Variants in KCNK1 observed in about 807,000 individuals in gnomAD.
KCNK1 encodes the protein potassium channel subfamily K member 1.
A neutral mutation model predicts 22.2 loss-of-function variants in KCNK1; 10 were observed. The ratio of observed to expected loss-of-function variants is 0.45; its 90% CI spans 0.28 to 0.76. KCNK1 has a LOEUF of 0.76. Ranked by LOEUF, KCNK1 falls within the 30% of genes least tolerant of loss-of-function variation. The probability of loss-of-function intolerance (pLI) is 0.14; values close to 1 mark genes in which losing one functional copy is unlikely to be tolerated. For synonymous variants in KCNK1, 200 were observed against 186.4 expected (o/e 1.07, Z -0.60); for missense variants, 378 against 421.0 (o/e 0.90, Z 0.89).
intron 1 of KCNK1, among the ~76,000 whole-genome samples, chr1:233,663,507 T>C (rs1658437870): frequency 6.6e-6 from 1 of 152,228 alleles, no homozygotes; most frequent in Non-Finnish European, 1.5e-5. Flanking sequence ...TTTTTTTCTC[T>C]ACTAGAACCT....
chr1:233,664,930 A>C (rs1227012486), intron 1 of KCNK1, among the ~76,000 whole-genome samples: 1 of 152,238 alleles, frequency 6.6e-6, no homozygotes, highest in Admixed American at 6.5e-5. Flanking sequence ...CTTTTTCCTG[A>C]ATTGACTTGT....
At chr1:233,642,725 G>A (rs1447787096) in intron 1 of KCNK1, among the ~76,000 whole-genome samples, 2 of 152,124 alleles carry the variant, frequency 1.3e-5, no homozygotes, top group Admixed American at 1.3e-4. Context: ...TAGAGTAAAA[G>A]CAATGAATTC....
rs1479046590 is a variant in KCNK1 at position 233,662,284 on chromosome 1, CTCCTCT to C, written c.356-4302_356-4297del. Among the ~76,000 whole-genome samples, 144 of 137,442 alleles carry C rather than the reference CTCCTCT, an allele frequency of 1.0e-3. 2 individuals are homozygous for C. In the East Asian group the frequency reaches 0.027, roughly 26 times the overall value. The allele number at this position is 137,442 out of a possible 152,430, so 90.2% of individuals were successfully genotyped here. A position where few individuals can be genotyped will look rare whatever the true frequency, so the allele number is the denominator to read the frequency against. On this transcript the variant is annotated intron_variant, in intron 1 of 2. Coordinates refer to ENST00000366621, the MANE Select transcript of KCNK1 (RefSeq NM_002245.4). ...TCTTCTTCTTCTTCTCCTCCTCCTC[CTCCTCT>C]TCCTCTTCTTCTTCTTTTTGCATGT... is the stretch of plus-strand genomic sequence containing the variant.
intron 1 of KCNK1, among the ~76,000 whole-genome samples, chr1:233,634,424 C>T (rs930729535): frequency 1.3e-5 from 2 of 152,088 alleles, no homozygotes; most frequent in Non-Finnish European, 2.9e-5. Flanking sequence ...TGTTTATGTG[C>T]GGACAACAGG....
intron 1 of KCNK1, among the ~76,000 whole-genome samples, chr1:233,640,031 T>G (rs1310612279): frequency 6.6e-6 from 1 of 152,244 alleles, no homozygotes; most frequent in African/African-American, 2.4e-5. Flanking sequence ...AAGGGGACTG[T>G]AAGCTTTCCA....
intron 2 of KCNK1, among the ~76,000 whole-genome samples, chr1:233,669,160 T>G (rs1172421936): frequency 6.6e-6 from 1 of 152,238 alleles, no homozygotes; most frequent in East Asian, 1.9e-4. Context: ...AAACATTATC[T>G]TAACTTTCTT....
intron 1 of KCNK1, among the ~76,000 whole-genome samples, chr1:233,648,640 C>A (rs1558115755): frequency 2.0e-5 from 3 of 151,914 alleles, no homozygotes; most frequent in Admixed American, 6.6e-5. Context: ...TCTTGGTTCA[C>A]TGGGCAACCT....
intron 1 of KCNK1, among the ~76,000 whole-genome samples, chr1:233,615,388 G>A (rs746755527): frequency 1.5e-4 from 23 of 152,206 alleles, no homozygotes; most frequent in Non-Finnish European, 2.8e-4. Flanking sequence ...CCGGGCGCAT[G>A]CCCCAGGGCT....
intron 1 of KCNK1, among the ~76,000 whole-genome samples, chr1:233,620,963 A>C (rs961309430): frequency 6.6e-6 from 1 of 152,170 alleles, no homozygotes; most frequent in Non-Finnish European, 1.5e-5. Flanking sequence ...CATTGTCTTC[A>C]CTTTACAGAG....
chr1:233,643,383 T>C (rs1286356369), intron 1 of KCNK1, among the ~76,000 whole-genome samples: 1 of 152,214 alleles, frequency 6.6e-6, no homozygotes, highest in Non-Finnish European at 1.5e-5. Flanking sequence ...CACTACACTC[T>C]AACTGGAATC....
intron 1 of KCNK1, among the ~76,000 whole-genome samples, chr1:233,632,091 C>T (rs1174709754): frequency 6.6e-6 from 1 of 152,214 alleles, no homozygotes; most frequent in African/African-American, 2.4e-5. Flanking sequence ...AACAGGAAAA[C>T]ATTGCGTTGT....
At chr1:233,667,729 C>CAAAAAAAA (rs71170433) in intron 2 of KCNK1, among the ~76,000 whole-genome samples, 9 of 86,090 alleles carry the variant, frequency 1.0e-4, no homozygotes, top group Non-Finnish European at 1.2e-4. Context: ...GACTCCGTCT[C>CAAAAAAAA]AAAAAAAAAA....
chr1:233,658,761 A>G (rs1658342963), intron 1 of KCNK1, among the ~76,000 whole-genome samples: 1 of 152,234 alleles, frequency 6.6e-6, no homozygotes, highest in South Asian at 2.1e-4. Flanking sequence ...GGAGATCTAA[A>G]TATATCCAAA....
chr1:233,614,228 G>A lies in KCNK1; in HGVS notation c.57G>A (p.Ser19=). The A allele has an allele frequency of 6.2e-7, 1 of 1,612,020 alleles. No individual in the cohort carries two copies. Among genetic ancestry groups the A allele is most frequent in the Non-Finnish European group, 8.5e-7 (1 of 1,179,860 alleles). ...SCVRLVERHR[S]AWCFGFLVLG... ...TGCGCCTGGTGGAGCGGCACCGCTC[G>A]GCCTGGTGCTTCGGCTTCCTGGTGC... Residue 19 remains serine, a synonymous_variant, in exon 1 of 3, where the codon TCG becomes TCA. Transcript: ENST00000366621.
At chr1:233,641,403 G>A (rs183982730) in intron 1 of KCNK1, among the ~76,000 whole-genome samples, 22 of 152,378 alleles carry the variant, frequency 1.4e-4, no homozygotes, top group Non-Finnish European at 3.1e-4. Context: ...CAAGCAGCTC[G>A]TATCTTAGAG....
At chr1:233,615,448 A>G (rs1281471763) in intron 1 of KCNK1, among the ~76,000 whole-genome samples, 1 of 152,200 alleles carries the variant, frequency 6.6e-6, no homozygotes, top group Non-Finnish European at 1.5e-5. Context: ...CCCCAGCCGG[A>G]CCTAGTAAGG....
chr1:233,621,702 C>T (rs1657589594), intron 1 of KCNK1, among the ~76,000 whole-genome samples: 1 of 151,998 alleles, frequency 6.6e-6, no homozygotes, highest in African/African-American at 2.4e-5. Flanking sequence ...ATAAAACATA[C>T]CAGTTTTTAG....
In KCNK1 at chr1:233,667,000, A is replaced by G. The variant is rs1284613415; in HGVS notation, c.751+10A>G. On this transcript the variant is annotated intron_variant, in intron 2 of 2. Transcript: ENST00000366621. ...AAGATTGGGATCACGTGTGAGTATT[A>G]CAGCTCCCTGGCTGCTCCTTCTGTC... 1 of 1,568,654 alleles carries G rather than the reference A, an allele frequency of 6.4e-7. No individual in the cohort carries two copies. The highest frequency in any genetic ancestry group is 8.6e-7 in the Non-Finnish European group (1 of 1,161,778).
chr1:233,665,254 A>T (rs1229094194), intron 1 of KCNK1, among the ~76,000 whole-genome samples: 2 of 152,230 alleles, frequency 1.3e-5, no homozygotes, highest in Non-Finnish European at 2.9e-5. Flanking sequence ...ATATTTTACA[A>T]GAAGTATTCT....
Sources: allele counts gnomAD v4.1 joint callset (sites outside exome capture counted in the v4.1 genomes callset), GRCh38; gene constraint gnomAD v4.1.1; transcripts MANE v1.5; gene names NCBI Gene and HGNC (gene_info 2026-07-23, HGNC 2026-07-21).